SYNPR: variants seen among roughly 807,000 people sequenced by gnomAD.
SYNPR encodes synaptoporin.
SYNPR carries 23 observed loss-of-function variants against 32.9 expected under a neutral mutation model. The observed-to-expected ratio is 0.70, with a 90% CI of 0.50 to 0.99. The LOEUF (loss-of-function observed/expected upper bound fraction) is 0.99, where lower values mean the gene tolerates loss of function less well. Among genes scored for constraint, SYNPR ranks in the 50% least tolerant of loss-of-function variants. The probability of loss-of-function intolerance (pLI) is 0.00; values close to 1 mark genes in which losing one functional copy is unlikely to be tolerated. For synonymous variants in SYNPR, 146 were observed against 135.9 expected, an observed-to-expected ratio of 1.07 and a Z score of -0.52; for missense variants, 318 against 349.3, an observed-to-expected ratio of 0.91 and a Z score of 0.71.
At chr3:63,259,209 C>G (rs1430466742) in intron 2 of SYNPR, among the ~76,000 whole-genome samples, 2 of 152,192 alleles carry the variant, frequency 1.3e-5, no homozygotes, top group African/African-American at 4.8e-5. Flanking sequence ...GGAATCCTCC[C>G]TAACTCATTT....
intron 4 of SYNPR, among the ~76,000 whole-genome samples, chr3:63,607,368 A>G (rs1188619252): frequency 6.6e-6 from 1 of 152,204 alleles, no homozygotes; most frequent in Non-Finnish European, 1.5e-5. Context: ...TGGCTTATTT[A>G]TTTGTAACTA....
intron 2 of SYNPR, among the ~76,000 whole-genome samples, chr3:63,280,725 G>GGTGTGTGT (rs144039056): frequency 1.3e-5 from 2 of 149,992 alleles, no homozygotes; most frequent in Admixed American, 6.6e-5. Context: ...TTGGGGGAGG[G>GGTGTGTGT]GTGTGTGTGT....
intron 1 of SYNPR, among the ~76,000 whole-genome samples, chr3:63,248,776 C>T (rs570929872): frequency 3.9e-5 from 6 of 152,256 alleles, no homozygotes; most frequent in Admixed American, 2.0e-4. Context: ...CATAATTACA[C>T]ATGCTCAAGG....
At chr3:63,518,227 T>C (rs1701836083) in intron 3 of SYNPR, among the ~76,000 whole-genome samples, 1 of 152,158 alleles carries the variant, frequency 6.6e-6, no homozygotes, top group Non-Finnish European at 1.5e-5. Context: ...GGGGGCTAAA[T>C]GGAAACTTGT....
chr3:63,308,471 T>G (rs1473652166), intron 2 of SYNPR, among the ~76,000 whole-genome samples: 1 of 152,006 alleles, frequency 6.6e-6, no homozygotes, highest in Non-Finnish European at 1.5e-5. Context: ...TGTTTGAGAC[T>G]TTCTATAACA....
chr3:63,583,645 C>G (rs1703131420), intron 4 of SYNPR, among the ~76,000 whole-genome samples: 1 of 152,058 alleles, frequency 6.6e-6, no homozygotes, highest in Admixed American at 6.6e-5. Flanking sequence ...TCTCTAAAAA[C>G]AGTAATCAGG....
intron 2 of SYNPR, among the ~76,000 whole-genome samples, chr3:63,393,791 G>GTGAGCCGCAC (rs1415594081): frequency 6.6e-6 from 1 of 152,126 alleles, no homozygotes; most frequent in East Asian, 1.9e-4. Context: ...GATTACAGGT[G>GTGAGCCGCAC]TGAGCCGCAG....
At chr3:63,573,855 G>A (rs994496376) in intron 4 of SYNPR, among the ~76,000 whole-genome samples, 3 of 152,194 alleles carry the variant, frequency 2.0e-5, no homozygotes, top group South Asian at 4.2e-4. Flanking sequence ...GGATGCCGCC[G>A]CCAAATTGAG....
chr3:63,532,440 C>A (rs1702128789), intron 3 of SYNPR, among the ~76,000 whole-genome samples: 1 of 152,214 alleles, frequency 6.6e-6, no homozygotes, highest in Non-Finnish European at 1.5e-5. Context: ...TAATTCAGAG[C>A]ATCCTTTCTC....
intron 2 of SYNPR, among the ~76,000 whole-genome samples, chr3:63,361,442 C>T (rs564767487): frequency 1.3e-5 from 2 of 151,648 alleles, no homozygotes; most frequent in African/African-American, 2.4e-5. Flanking sequence ...AAAAAAAATA[C>T]AAAAAATTAG....
intron 2 of SYNPR, among the ~76,000 whole-genome samples, chr3:63,455,043 T>G (rs1053836908): frequency 6.6e-6 from 1 of 152,106 alleles, no homozygotes; most frequent in Non-Finnish European, 1.5e-5. Flanking sequence ...AAGATCTTTT[T>G]TAATACTTTC....
At chr3:63,263,022 C>T (rs1211788829) in intron 2 of SYNPR, among the ~76,000 whole-genome samples, 1 of 152,136 alleles carries the variant, frequency 6.6e-6, no homozygotes, top group Non-Finnish European at 1.5e-5. Context: ...GAAGGATTGG[C>T]TACCTCTGAA....
chr3:63,596,137 G>A (rs775174987), intron 4 of SYNPR, among the ~76,000 whole-genome samples: 3 of 150,580 alleles, frequency 2.0e-5, no homozygotes, highest in Non-Finnish European at 4.4e-5. Flanking sequence ...CTCCTTTGGA[G>A]GAAAGAGGGA....
chr3:63,208,515 C>T, the SYNPR span, among the ~76,000 whole-genome samples: 1 of 152,190 alleles, frequency 6.6e-6, no homozygotes, highest in Non-Finnish European at 1.5e-5. Context: ...CTCTAGGAAA[C>T]AAAGCCGTGT....
At chr3:63,538,290 T>C (rs903621057) in intron 3 of SYNPR, among the ~76,000 whole-genome samples, 2 of 151,912 alleles carry the variant, frequency 1.3e-5, no homozygotes, top group Admixed American at 6.6e-5. Context: ...AGAAGAGATA[T>C]GTGGGAAAAT....
In SYNPR at chr3:63,588,662, A is replaced by C; in HGVS notation, c.409-20463A>C. ...CCAGTTATGTCAAAACCAATAATCA[A>C]TTTTTTGGAAAGGATGCTATTTTCT... On this transcript the variant is annotated intron_variant, in intron 4 of 5. Transcript: ENST00000478300. Among the ~76,000 whole-genome samples the C allele has an allele frequency of 1.3e-5, 2 of 152,244 alleles. 1 individual carries two copies. The highest frequency in any genetic ancestry group is 4.1e-4 in the South Asian group (2 of 4,824).
At chr3:63,240,693 T>C (rs1238524289) in intron 1 of SYNPR, among the ~76,000 whole-genome samples, 1 of 152,150 alleles carries the variant, frequency 6.6e-6, no homozygotes, top group Non-Finnish European at 1.5e-5. Flanking sequence ...AAGGACATTA[T>C]TGCAAGGGCC....
intron 2 of SYNPR, chr3:63,289,284 T>C (rs2086716121): frequency 6.6e-6 from 1 of 152,266 alleles, no homozygotes; most frequent in African/African-American, 2.4e-5. Flanking sequence ...GATTGTGAGA[T>C]GTCTTAGTCT....
At chr3:63,447,149 G>A (rs192531080) in intron 2 of SYNPR, among the ~76,000 whole-genome samples, 17 of 152,104 alleles carry the variant, frequency 1.1e-4, no homozygotes, top group Admixed American at 5.9e-4. Context: ...ATATACTAAC[G>A]GCCATCAAAC....
Sources: gnomAD v4.1 joint callset for allele counts (sites outside exome capture counted in the v4.1 genomes callset) on GRCh38, gnomAD v4.1.1 for gene constraint, MANE v1.5 for transcripts, NCBI Gene and HGNC (gene_info 2026-07-23, HGNC 2026-07-21) for gene names.